Variants in ATP2A2 observed in about 807,000 individuals in gnomAD.
ATP2A2 encodes the protein ATPase sarcoplasmic/endoplasmic reticulum Ca2+ transporting 2.
Under a neutral mutation model 109.3 loss-of-function variants are expected in ATP2A2, and 14 were observed. The ratio of observed to expected loss-of-function variants is 0.13; its 90% CI spans 0.08 to 0.20. The LOEUF (loss-of-function observed/expected upper bound fraction) is 0.20, where lower values mean the gene tolerates loss of function less well. Ranked by LOEUF, ATP2A2 falls within the 10% of genes least tolerant of loss-of-function variation. The probability of loss-of-function intolerance (pLI) is 1.00; values close to 1 mark genes in which losing one functional copy is unlikely to be tolerated. For synonymous variants in ATP2A2, 506 were observed against 490.9 expected, an observed-to-expected ratio of 1.03 and a Z score of -0.41; for missense variants, 657 against 1,321.6, an observed-to-expected ratio of 0.50 and a Z score of 7.80.
At chr12:110,298,115 G>C (rs990873882) in intron 5 of ATP2A2, among the ~76,000 whole-genome samples, 1 of 152,092 alleles carries the variant, frequency 6.6e-6, no homozygotes, top group Admixed American at 6.6e-5. Flanking sequence ...ATATTGACTT[G>C]GGAAGGGTGT....
rs1224001514 is a variant in ATP2A2, at chr12:110,302,572, T to C, written c.463+5835T>C. 4.3e-3 allele frequency among the ~76,000 whole-genome samples: 530 copies of C among 122,472 alleles called. 5 individuals are homozygous for C. The highest frequency in any genetic ancestry group is 0.017 in the African/African-American group (516 of 30,118). The allele number at this position is 122,472 out of a possible 152,430, so 80.3% of individuals were successfully genotyped here. On this transcript the variant is annotated intron_variant, in intron 5 of 19. Transcript: ENST00000539276. ...GTTGGGCTCTGTTTTTCTTTAATTT[T>C]TATTTTTATTACTATTATTATTATT...
rs1877404740 is a variant in ATP2A2, at chr12:110,323,081, G to C, written c.544+9G>C. ...CCAGTCAATTCTCACAGGTAAATAT[G>C]ATATATTAAGTCATTGAATTTCTGA... On this transcript the variant is annotated intron_variant, in intron 6 of 19. Coordinates refer to ENST00000539276, the MANE Select transcript of ATP2A2 (RefSeq NM_170665.4). 6.3e-7 allele frequency: 1 copy of C among 1,588,890 alleles called. No homozygotes were observed.
rs773847727 is a variant in ATP2A2 at position 110,326,370 on chromosome 12, C to A, written c.545-20C>A. The A allele has an allele frequency of 6.2e-7, 1 of 1,609,176 alleles. No homozygotes were observed. The highest frequency in any genetic ancestry group is 8.5e-7 in the Non-Finnish European group (1 of 1,176,364). ...TGTGGGTCGCAGAGATCTGTTTTTT[C>A]TGTCTCACAACCCGCTTAGGTGAAT... is the stretch of plus-strand genomic sequence containing the variant. On this transcript the variant is annotated intron_variant, in intron 6 of 19. Coordinates refer to ENST00000539276, the MANE Select transcript of ATP2A2 (RefSeq NM_170665.4).
Position 110,281,915 on chromosome 12 carries a change from C to G in ATP2A2, c.118+8C>G, listed in dbSNP as rs772647335. 2 of 1,566,560 alleles carry G rather than the reference C, an allele frequency of 1.3e-6. No individual in the cohort carries two copies. The highest frequency in any genetic ancestry group is 1.7e-6 in the Non-Finnish European group (2 of 1,158,036). ...AGAGATGGGGCTCCAACGGTAGGTGCAGGGCGCTCCGCTGCAGGGGCCCGG... is the reference window on the plus strand; with the variant it reads ...AGAGATGGGGCTCCAACGGTAGGTGGAGGGCGCTCCGCTGCAGGGGCCCGG... On this transcript the variant is annotated splice_region_variant and intron_variant, in intron 1 of 19. Coordinates refer to ENST00000539276, the MANE Select transcript of ATP2A2 (RefSeq NM_170665.4).
intron 11 of ATP2A2, among the ~76,000 whole-genome samples, chr12:110,335,026 C>T (rs144160868): frequency 1.3e-5 from 2 of 152,284 alleles, no homozygotes; most frequent in African/African-American, 2.4e-5. Flanking sequence ...AAATAAGTGG[C>T]CTCTGAGCCT....
intron 5 of ATP2A2, among the ~76,000 whole-genome samples, chr12:110,318,442 T>G (rs964415313): frequency 2.6e-5 from 4 of 152,204 alleles, no homozygotes; most frequent in Non-Finnish European, 5.9e-5. Flanking sequence ...GATGATGTGA[T>G]GGTCCCTCTA....
At chr12:110,290,615 G>GT (rs1410482997) in intron 3 of ATP2A2, among the ~76,000 whole-genome samples, 2 of 152,068 alleles carry the variant, frequency 1.3e-5, no homozygotes, top group Non-Finnish European at 2.9e-5. Flanking sequence ...AAGTATAGTT[G>GT]TTTTTTTGAG....
intron 5 of ATP2A2, among the ~76,000 whole-genome samples, chr12:110,315,053 A>G (rs1876517453): frequency 6.6e-6 from 1 of 152,012 alleles, no homozygotes; most frequent in African/African-American, 2.4e-5. Context: ...TTTTTAGTAG[A>G]GACGGGGTTT....
At position 110,348,310 on chromosome 12, in the gene ATP2A2, T is replaced by C. The variant is rs1419945693; in HGVS notation, c.*1840T>C. ...TTGTCCTTGGTGGCTAAGACTTAGC[T>C]CTGCAGGGGATGTTAAAGCACAGTT... On this transcript the variant is annotated 3_prime_UTR_variant, in exon 20 of 20. Coordinates refer to ENST00000539276, the MANE Select transcript of ATP2A2 (RefSeq NM_170665.4). The C allele has an allele frequency of 1.0e-6, 1 of 984,430 alleles. No homozygotes were observed. The highest frequency in any genetic ancestry group is 1.2e-6 in the Non-Finnish European group (1 of 829,816). The allele number at this position is 984,430 out of a possible 1,614,324, so 61.0% of individuals were successfully genotyped here.
intron 3 of ATP2A2, 30 bp from the exon 4 acceptor site, chr12:110,291,990 A>G (rs1873365665): frequency 6.3e-7 from 1 of 1,582,598 alleles, no homozygotes. Flanking sequence ...GCCTAAAAAG[A>G]CACATTCTAA....
At chr12:110,344,359 A>G (rs751219910) in intron 16 of ATP2A2, among the ~76,000 whole-genome samples, 1 of 152,190 alleles carries the variant, frequency 6.6e-6, no homozygotes, top group Non-Finnish European at 1.5e-5. Flanking sequence ...ACTGGGGGGA[A>G]TCCCAGAAGC....
chr12:110,343,065 A>G (rs925691417), intron 15 of ATP2A2, among the ~76,000 whole-genome samples, 167 bp from the exon 16 acceptor site: 1 of 152,324 alleles, frequency 6.6e-6, no homozygotes, highest in East Asian at 1.9e-4. Flanking sequence ...TAAGTAATAA[A>G]CTAAGTAAAA....
At chr12:110,338,622 C>A (rs1879065832) in intron 11 of ATP2A2, among the ~76,000 whole-genome samples, 1 of 152,132 alleles carries the variant, frequency 6.6e-6, no homozygotes, top group African/African-American at 2.4e-5. Context: ...CCACACCTAG[C>A]TAATTTTTGT....
chr12:110,310,567 G>A (rs1875920558), intron 5 of ATP2A2, among the ~76,000 whole-genome samples: 1 of 152,158 alleles, frequency 6.6e-6, no homozygotes, highest in Non-Finnish European at 1.5e-5. Context: ...ATAGCACCAG[G>A]AAATAAATAT....
At chr12:110,281,051 A>T (rs1201339322), upstream of ATP2A2, 1 of 151,082 alleles carries the variant, frequency 6.6e-6, no homozygotes, top group African/African-American at 2.4e-5. Context: ...CGCGGCCTCG[A>T]TCCGGGTTCC....
rs546134893 is a variant in ATP2A2 at position 110,339,012 on chromosome 12, G to A, written c.1420-269G>A. Among the ~76,000 whole-genome samples the A allele has an allele frequency of 6.6e-6, 1 of 152,190 alleles. No homozygotes were observed. Among genetic ancestry groups the A allele is most frequent in the East Asian group, 1.9e-4 (1 of 5,160 alleles). ...GGGCCATCTTTATTCAAATGTCACC[G>A]CCTTCTGGCCACTTTATGTAACAGT... On this transcript the variant is annotated intron_variant, in intron 11 of 19. Transcript: ENST00000539276. This position sits in a 1 kb window ranked among gnomAD's most constrained non-coding sequence, Gnocchi z 4.4.
chr12:110,317,288 A>T (rs1185715367), intron 5 of ATP2A2, among the ~76,000 whole-genome samples: 2 of 152,232 alleles, frequency 1.3e-5, no homozygotes, highest in African/African-American at 4.8e-5. Flanking sequence ...CTGGTCTTAA[A>T]TAGTGTTTTT....
At position 110,282,579 on chromosome 12, in the gene ATP2A2, C is replaced by T. The variant is rs183257438; in HGVS notation, c.119-25C>T. The T allele has an allele frequency of 3.8e-5, 62 of 1,613,118 alleles. No individual in the cohort carries two copies. The Admixed American group carries it at 8.2e-4, about 21-fold the overall frequency. On this transcript the variant is annotated intron_variant, in intron 1 of 19. Coordinates refer to ENST00000539276, the MANE Select transcript of ATP2A2 (RefSeq NM_170665.4). Reference sequence around the variant, plus strand: ...TTTTAACCTCCCTCTTGACACATTGCTTGACGAATTTCTACATTCTACAGA... The same window carrying T: ...TTTTAACCTCCCTCTTGACACATTGTTTGACGAATTTCTACATTCTACAGA...
At chr12:110,295,722 C>T (rs946224971) in intron 4 of ATP2A2, among the ~76,000 whole-genome samples, 3 of 152,166 alleles carry the variant, frequency 2.0e-5, no homozygotes, top group Admixed American at 6.5e-5. Context: ...GATTCTACAA[C>T]TTCCATTCTG....
Sources: allele counts gnomAD v4.1 joint callset (sites outside exome capture counted in the v4.1 genomes callset), GRCh38; gene constraint gnomAD v4.1.1; non-coding constraint Gnocchi (gnomAD v3.1); transcripts MANE v1.5; gene names NCBI Gene and HGNC (gene_info 2026-07-23, HGNC 2026-07-21).